The following SLC71A2 variants were observed in gnomAD, a reference collection of about 807,000 sequenced individuals.
The protein encoded by SLC71A2 is solute carrier family 71 member 2.
At chr9:94,393,104 C>CA in the SLC71A2 span, among the ~76,000 whole-genome samples, 1 of 145,188 alleles carries the variant, frequency 6.9e-6, no homozygotes, top group African/African-American at 2.5e-5. Context: ...GGGGAAATGA[C>CA]AGTCTATCTC....
chr9:94,423,821 G>A, the SLC71A2 span, among the ~76,000 whole-genome samples: 12 of 152,140 alleles, frequency 7.9e-5, no homozygotes, highest in African/African-American at 2.7e-4. Flanking sequence ...TTCAATGTCA[G>A]GGCCTTTCTG....
chr9:94,428,597 C>A, the SLC71A2 span, among the ~76,000 whole-genome samples: 3 of 145,250 alleles, frequency 2.1e-5, no homozygotes, highest in African/African-American at 7.9e-5. Flanking sequence ...CATACCCCCC[C>A]CCCTTTTTTT....
chr9:94,407,849 A>G, the SLC71A2 span, among the ~76,000 whole-genome samples: 1 of 152,150 alleles, frequency 6.6e-6, no homozygotes, highest in African/African-American at 2.4e-5. Context: ...ATAAGTTTTA[A>G]GTTACACGTC....
At chr9:94,403,999 TTAAAA>T in the SLC71A2 span, among the ~76,000 whole-genome samples, 1 of 152,138 alleles carries the variant, frequency 6.6e-6, no homozygotes, top group Non-Finnish European at 1.5e-5. Flanking sequence ...AATGCTGCTA[TTAAAA>T]AGGGCTTGTG....
chr9:94,439,541 G>T, the SLC71A2 span, among the ~76,000 whole-genome samples: 14 of 114,900 alleles, frequency 1.2e-4, no homozygotes, highest in African/African-American at 4.6e-4. Flanking sequence ...CCTATTAATA[G>T]ATTTTTTTTT....
the SLC71A2 span, among the ~76,000 whole-genome samples, chr9:94,397,520 A>G: frequency 1.3e-5 from 2 of 152,058 alleles, no homozygotes; most frequent in Non-Finnish European, 1.5e-5. Context: ...ATCCACTGCC[A>G]AAGAAAAAAC....
the SLC71A2 span, among the ~76,000 whole-genome samples, chr9:94,396,367 T>G: frequency 1.6e-4 from 24 of 152,168 alleles, no homozygotes; most frequent in East Asian, 4.1e-3. Flanking sequence ...ATACAAAAAT[T>G]AGCCAGCTGT....
the SLC71A2 span, among the ~76,000 whole-genome samples, chr9:94,385,093 A>G: frequency 6.6e-6 from 1 of 152,016 alleles, no homozygotes; most frequent in Non-Finnish European, 1.5e-5. Context: ...TAAATTACTC[A>G]GTCTGTGGTA....
chr9:94,431,249 G>T, the SLC71A2 span, among the ~76,000 whole-genome samples: 2 of 151,652 alleles, frequency 1.3e-5, no homozygotes, highest in African/African-American at 4.8e-5. Context: ...GGAGATGGAG[G>T]TTGCAGTGAG....
the SLC71A2 span, among the ~76,000 whole-genome samples, chr9:94,451,176 C>T: frequency 6.6e-6 from 1 of 152,148 alleles, no homozygotes; most frequent in African/African-American, 2.4e-5. Context: ...TATTTATCAA[C>T]TTGTGGGTTG....
the SLC71A2 span, among the ~76,000 whole-genome samples, chr9:94,450,798 C>CGT: frequency 1.7e-4 from 26 of 152,234 alleles, no homozygotes; most frequent in African/African-American, 6.3e-4. Flanking sequence ...CCCAAAATAA[C>CGT]GTAACTTTTA....
chr9:94,418,447 C>T, the SLC71A2 span, among the ~76,000 whole-genome samples: 79 of 151,944 alleles, frequency 5.2e-4, 1 homozygote, highest in African/African-American at 1.8e-3. Flanking sequence ...GATTCACATA[C>T]TTTGTTTTTT....
the SLC71A2 span, chr9:94,429,268 A>G: frequency 1.3e-6 from 2 of 1,586,194 alleles, no homozygotes; most frequent in East Asian, 4.5e-5. Context: ...AAAAATTTTT[A>G]TGTGGTTTGT....
the SLC71A2 span, among the ~76,000 whole-genome samples, chr9:94,452,324 C>T: frequency 2.9e-3 from 435 of 152,224 alleles, 1 homozygote; most frequent in African/African-American, 9.9e-3. Context: ...GGGCCAGACA[C>T]GGTGGCTCAC....
the SLC71A2 span, among the ~76,000 whole-genome samples, chr9:94,418,671 A>G: frequency 6.6e-6 from 1 of 151,870 alleles, no homozygotes; most frequent in African/African-American, 2.4e-5. Flanking sequence ...CCTGACCTCA[A>G]GTGATCTGCC....
chr9:94,458,224 G>A, the SLC71A2 span: 14 of 1,040,512 alleles, frequency 1.3e-5, no homozygotes, highest in South Asian at 1.8e-5. Context: ...CAGTCTTGCC[G>A]AATTAGTGTA....
At chr9:94,442,439 C>T in the SLC71A2 span, among the ~76,000 whole-genome samples, 9 of 152,148 alleles carry the variant, frequency 5.9e-5, no homozygotes, top group Admixed American at 5.9e-4. Flanking sequence ...CTGAATGTCC[C>T]TCTCATGTCA....
the SLC71A2 span, among the ~76,000 whole-genome samples, chr9:94,421,184 A>T: frequency 6.6e-6 from 1 of 150,794 alleles, no homozygotes; most frequent in Non-Finnish European, 1.5e-5. Context: ...ATATTTTCCT[A>T]AAGTTTCCTC....
At chr9:94,385,232 A>G in the SLC71A2 span, among the ~76,000 whole-genome samples, 1 of 152,318 alleles carries the variant, frequency 6.6e-6, no homozygotes, top group South Asian at 2.1e-4. Flanking sequence ...TAAGTTTTAA[A>G]TTCTGATAAA....
Sources: gnomAD v4.1 joint callset for allele counts (sites outside exome capture counted in the v4.1 genomes callset) on GRCh38, gnomAD v4.1.1 for gene constraint, MANE v1.5 for transcripts, NCBI Gene and HGNC (gene_info 2026-07-23, HGNC 2026-07-21) for gene names.